The following CNTNAP2 variants were observed in gnomAD, a reference collection of about 807,000 sequenced individuals.
The protein encoded by CNTNAP2 is contactin associated protein 2, also known as contactin-associated protein-like 2.
In CNTNAP2, 98 loss-of-function variants were observed where a neutral mutation model predicts 155.2. The ratio of observed to expected loss-of-function variants is 0.63; its 90% CI spans 0.54 to 0.75. The LOEUF is 0.75. CNTNAP2 is among the 30% of genes least tolerant of loss of function. CNTNAP2 has a pLI of 0.00. For missense variants in CNTNAP2, 1,727 were observed against 1,688.1 expected (o/e 1.02, Z -0.40); for synonymous variants, 651 against 631.2 (o/e 1.03, Z -0.47).
chr7:148,385,887 G>A (rs1251031389), intron 22 of CNTNAP2, among the ~76,000 whole-genome samples: 4 of 151,850 alleles, frequency 2.6e-5, no homozygotes, highest in East Asian at 1.9e-4. Context: ...ACAGGCACCC[G>A]CCATCATGCC....
intron 1 of CNTNAP2, among the ~76,000 whole-genome samples, chr7:146,385,825 C>T (rs1456206310): frequency 6.6e-6 from 1 of 152,092 alleles, no homozygotes; most frequent in African/African-American, 2.4e-5. Flanking sequence ...TCTATCCTTC[C>T]CTGGATGAGG....
chr7:147,995,751 G>C (rs1801793942), intron 15 of CNTNAP2, among the ~76,000 whole-genome samples: 1 of 151,960 alleles, frequency 6.6e-6, no homozygotes, highest in Non-Finnish European at 1.5e-5. Flanking sequence ...CTGACCTCGT[G>C]ATCTGCCCAC....
At chr7:148,115,767 T>C (rs1374301273) in intron 15 of CNTNAP2, among the ~76,000 whole-genome samples, 1 of 152,084 alleles carries the variant, frequency 6.6e-6, no homozygotes, top group African/African-American at 2.4e-5. Flanking sequence ...CATCATACAA[T>C]ATTCTCCTCC....
chr7:147,498,815 A>C (rs1584772908), intron 11 of CNTNAP2, among the ~76,000 whole-genome samples: 1 of 152,144 alleles, frequency 6.6e-6, no homozygotes. Context: ...TCATCACCCT[A>C]TGCTTCTCAT....
chr7:146,304,653 G>T (rs1180583340), intron 1 of CNTNAP2, among the ~76,000 whole-genome samples: 1 of 152,078 alleles, frequency 6.6e-6, no homozygotes, highest in Non-Finnish European at 1.5e-5. Context: ...TTAGTCTCAT[G>T]GGCTTCCCTT....
intron 1 of CNTNAP2, among the ~76,000 whole-genome samples, chr7:146,584,878 A>C (rs369777960): frequency 6.6e-6 from 1 of 152,174 alleles, no homozygotes; most frequent in Non-Finnish European, 1.5e-5. Flanking sequence ...CACTGTATGA[A>C]GAAGGGAATG....
intron 4 of CNTNAP2, among the ~76,000 whole-genome samples, chr7:147,065,831 A>G (rs73467090): frequency 0.057 from 8,623 of 152,162 alleles, 628 homozygotes; most frequent in African/African-American, 0.17. Context: ...TATAAGTAAA[A>G]ATCATTAGAA....
chr7:147,507,012 G>GA (rs144285244), intron 11 of CNTNAP2, among the ~76,000 whole-genome samples: 4,620 of 152,102 alleles, frequency 0.03, 251 homozygotes, highest in African/African-American at 0.11. Flanking sequence ...TTTCTTAAAA[G>GA]AAAAAAATAA....
At chr7:146,845,401 T>A (rs2129201816) in intron 3 of CNTNAP2, among the ~76,000 whole-genome samples, 1 of 152,332 alleles carries the variant, frequency 6.6e-6, no homozygotes, top group East Asian at 1.9e-4. Flanking sequence ...ACTTTATTTC[T>A]CTGTTCCTGA....
chr7:147,786,328 G>A (rs75162997), intron 13 of CNTNAP2, among the ~76,000 whole-genome samples: 16,561 of 151,962 alleles, frequency 0.11, 1,227 homozygotes, highest in Middle Eastern at 0.28. Flanking sequence ...CTCTAGGATG[G>A]GCAGGTCCTC....
intron 1 of CNTNAP2, among the ~76,000 whole-genome samples, chr7:146,265,484 G>T (rs1439345275): frequency 6.8e-6 from 1 of 146,112 alleles, no homozygotes; most frequent in African/African-American, 2.6e-5. Context: ...TTGAGACAGG[G>T]TTTCACTCCC....
At chr7:147,830,419 C>G (rs887407012) in intron 13 of CNTNAP2, among the ~76,000 whole-genome samples, 2 of 151,966 alleles carry the variant, frequency 1.3e-5, no homozygotes, top group Non-Finnish European at 2.9e-5. Context: ...TGACCTACTT[C>G]CCCCCCAAAA....
intron 1 of CNTNAP2, among the ~76,000 whole-genome samples, chr7:146,522,172 A>C (rs1797625694): frequency 6.6e-6 from 1 of 152,090 alleles, no homozygotes; most frequent in Non-Finnish European, 1.5e-5. Context: ...GCAGTAGATA[A>C]AGTTGCCGTA....
chr7:146,854,020 T>A (rs1336277969), intron 3 of CNTNAP2, among the ~76,000 whole-genome samples: 2 of 152,172 alleles, frequency 1.3e-5, no homozygotes, highest in Non-Finnish European at 2.9e-5. Flanking sequence ...GCCTAGGATT[T>A]CTATAGGAGA....
rs112776353 is a variant in CNTNAP2, at chr7:147,454,813, G to A, written c.1671-31122G>A. On this transcript the variant is annotated intron_variant, in intron 10 of 23. Coordinates refer to ENST00000361727, the MANE Select transcript of CNTNAP2 (RefSeq NM_014141.6). The stretch of plus-strand genomic sequence containing the variant: ...ATATTCCTGAAAGGTCAGGGCTCAT[G>A]ATAAAGCTGCCAGCACTGCAACTTT... Among the ~76,000 whole-genome samples the A allele has an allele frequency of 1.8e-3, 270 of 152,058 alleles. 1 individual carries two copies. The highest frequency in any genetic ancestry group is 6.2e-3 in the African/African-American group (258 of 41,478).
At chr7:147,853,758 T>C (rs544891748) in intron 13 of CNTNAP2, among the ~76,000 whole-genome samples, 2 of 152,364 alleles carry the variant, frequency 1.3e-5, no homozygotes, top group African/African-American at 2.4e-5. Flanking sequence ...TATCTCTTGA[T>C]ATTTTTTCTC....
chr7:146,610,306 C>T (rs1799115251), intron 1 of CNTNAP2, among the ~76,000 whole-genome samples: 4 of 152,096 alleles, frequency 2.6e-5, no homozygotes, highest in Admixed American at 2.0e-4. Context: ...ATGAGCAGCA[C>T]CCAAACAGAG....
intron 16 of CNTNAP2, among the ~76,000 whole-genome samples, chr7:148,122,701 A>C (rs1220492017): frequency 6.6e-6 from 1 of 152,178 alleles, no homozygotes; most frequent in African/African-American, 2.4e-5. Flanking sequence ...CCAGACAACC[A>C]GCCATGGGAG....
At chr7:147,145,840 T>TATAC (rs1326308531) in intron 8 of CNTNAP2, among the ~76,000 whole-genome samples, 2 of 152,232 alleles carry the variant, frequency 1.3e-5, no homozygotes, top group Admixed American at 6.5e-5. Flanking sequence ...CTCTTGGGTA[T>TATAC]GGTCAGAATA....
Sources: gnomAD v4.1 joint callset for allele counts (sites outside exome capture counted in the v4.1 genomes callset) on GRCh38, gnomAD v4.1.1 for gene constraint, MANE v1.5 for transcripts, NCBI Gene and HGNC (gene_info 2026-07-23, HGNC 2026-07-21) for gene names.